Variants in MIER1 observed in about 807,000 individuals in gnomAD.
The protein encoded by MIER1 is MIER1 transcriptional regulator.
MIER1 carries 40 observed loss-of-function variants against 75.7 expected under a neutral mutation model. The observed-to-expected ratio is 0.53, with a 90% CI of 0.41 to 0.69. MIER1 has a LOEUF of 0.69. Among genes scored for constraint, MIER1 ranks in the 30% least tolerant of loss-of-function variants. The pLI, the probability that MIER1 is intolerant of heterozygous loss-of-function variation, is 0.00. For synonymous variants in MIER1, 213 were observed against 223.4 expected, an observed-to-expected ratio of 0.95 and a Z score of 0.42; for missense variants, 574 against 680.2, an observed-to-expected ratio of 0.84 and a Z score of 1.74.
chr1:66,943,892 T>A (rs1414646305), intron 3 of MIER1, among the ~76,000 whole-genome samples: 1 of 152,208 alleles, frequency 6.6e-6, no homozygotes, highest in Non-Finnish European at 1.5e-5. Context: ...AGCATAGGTG[T>A]TAGGATTAGT....
intron 4 of MIER1, among the ~76,000 whole-genome samples, chr1:66,952,431 C>T (rs1424815873): frequency 2.0e-5 from 3 of 152,060 alleles, no homozygotes; most frequent in African/African-American, 7.2e-5. Flanking sequence ...TACACGATAT[C>T]ATTACTGTTT....
At position 66,946,490 on chromosome 1, in the gene MIER1, A is replaced by G. The variant is rs1193591100; in HGVS notation, c.339+195A>G. ...AAAAACAATAACTTTATTATGTGCA[A>G]TAACAGAATTCACATAGTTACTTTG... is the stretch of plus-strand genomic sequence containing the variant. On this transcript the variant is annotated intron_variant, in intron 4 of 13. Transcript: ENST00000401041. 12 of 1,292,134 alleles carry G rather than the reference A, an allele frequency of 9.3e-6. No individual in the cohort carries two copies. The Admixed American group carries it at 1.2e-4, about 13-fold the overall frequency. The allele number at this position is 1,292,134 out of a possible 1,614,324, so 80.0% of individuals were successfully genotyped here.
At chr1:66,930,967 C>T (rs1653137658) in intron 2 of MIER1, among the ~76,000 whole-genome samples, 1 of 152,136 alleles carries the variant, frequency 6.6e-6, no homozygotes, top group South Asian at 2.1e-4. Context: ...GGAGTCTGCC[C>T]ATTTATCCAG....
chr1:66,926,357 A>C, intron 2 of MIER1, 115 bp downstream of exon 2: 1 of 698,034 alleles, frequency 1.4e-6, no homozygotes, highest in South Asian at 2.0e-5. Flanking sequence ...ATGGGCCAAA[A>C]ATTTCCAGAA....
Position 66,926,178 on chromosome 1 carries a change from A to C in MIER1, c.104A>C (p.Glu35Ala). 3.1e-6 allele frequency: 5 copies of C among 1,613,838 alleles called. No homozygotes were observed. Among genetic ancestry groups the C allele is most frequent in the Non-Finnish European group, 4.2e-6 (5 of 1,179,846 alleles). Reference protein sequence around the residue: ...VVARFSQCLAEFRTWLRTNWL... With the variant: ...VVARFSQCLAAFRTWLRTNWL... Reference sequence around the variant, plus strand: ...GCTCGATTCTCCCAGTGCCTGGCTGAGTTTCGGACGTGGTTAAGAACCAAC... The same window carrying C: ...GCTCGATTCTCCCAGTGCCTGGCTGCGTTTCGGACGTGGTTAAGAACCAAC... The change falls in exon 2 of 14, where the codon GAG becomes GCG. Residue 35 changes from glutamate to alanine, a missense_variant. Physicochemically the swap from Glu to Ala is moderately radical, Grantham distance 107. Around this residue, in one of 3 missense-constraint regions of MIER1, gnomAD observed 309 missense variants for 352.8 expected, o/e 0.88. Coordinates refer to ENST00000401041, the MANE Select transcript of MIER1 (RefSeq NM_001077700.3).
chr1:66,944,490 G>A (rs980453750), intron 3 of MIER1, among the ~76,000 whole-genome samples: 2 of 151,282 alleles, frequency 1.3e-5, no homozygotes, highest in African/African-American at 4.9e-5. Flanking sequence ...TACAGACTAT[G>A]TATGCCCAGC....
rs1200365412 is a variant in MIER1, at chr1:66,985,912, A to G, written c.*1012A>G. The G allele has an allele frequency of 1.0e-6, 1 of 975,668 alleles. No individual in the cohort carries two copies. Among genetic ancestry groups the G allele is most frequent in the African/African-American group, 1.8e-5 (1 of 55,310 alleles). The allele number at this position is 975,668 out of a possible 1,614,324, so 60.4% of individuals were successfully genotyped here. A position where few individuals can be genotyped will look rare whatever the true frequency, so the allele number is the denominator to read the frequency against. On this transcript the variant is annotated 3_prime_UTR_variant, in exon 14 of 14. Coordinates refer to ENST00000401041, the MANE Select transcript of MIER1 (RefSeq NM_001077700.3). ...ATGCTTAGATTGCAGTTTGTTTTGC[A>G]TTTGCTATAATTTTCAAAATTATTT... is the stretch of plus-strand genomic sequence containing the variant.
rs568679902 is a variant in MIER1, at chr1:66,988,083, G to A, written c.*3183G>A. The A allele has an allele frequency of 4.7e-4, 72 of 152,386 alleles. No homozygotes were observed. The highest frequency in any genetic ancestry group is 1.6e-3 in the African/African-American group (67 of 41,540). The allele number at this position is 152,386 out of a possible 1,614,324, so 9.4% of individuals were successfully genotyped here. Reference sequence around the variant, plus strand: ...GGAGTGGGCACTTGGAATAACTGAGGGCTGGTGAATATAATAGGCAATATT... The same window carrying A: ...GGAGTGGGCACTTGGAATAACTGAGAGCTGGTGAATATAATAGGCAATATT... On this transcript the variant is annotated 3_prime_UTR_variant, in exon 14 of 14. Transcript: ENST00000401041.
At chr1:66,943,777 A>G (rs192557881) in intron 3 of MIER1, among the ~76,000 whole-genome samples, 8 of 152,312 alleles carry the variant, frequency 5.3e-5, no homozygotes, top group African/African-American at 1.2e-4. Context: ...GTGCTTTGCC[A>G]TGTGACCTGG....
In MIER1 at chr1:66,946,186, C is replaced by T; in HGVS notation, c.230C>T (p.Pro77Leu). ...ACATCAGATGACCATGAATTTGATC[C>T]ATCAGCTGACATGCTGGTTCATGAT... is the stretch of plus-strand genomic sequence containing the variant. ...SATSDDHEFD[P>L]SADMLVHDFD... Residue 77 changes from proline to leucine, a missense_variant, in exon 4 of 14, where the codon CCA becomes CTA. Physicochemically the swap from Pro to Leu is moderately conservative, Grantham distance 98. Coordinates refer to ENST00000401041, the MANE Select transcript of MIER1 (RefSeq NM_001077700.3). The T allele has an allele frequency of 6.2e-7, 1 of 1,611,304 alleles. No individual in the cohort carries two copies. The highest frequency in any genetic ancestry group is 1.1e-5 in the South Asian group (1 of 90,408).
At chr1:66,971,470 G>A (rs1221566151) in intron 9 of MIER1, among the ~76,000 whole-genome samples, 185 bp from the exon 10 acceptor site, 1 of 151,996 alleles carries the variant, frequency 6.6e-6, no homozygotes, top group Non-Finnish European at 1.5e-5. Flanking sequence ...ATATTTAAAG[G>A]TAGTTGATTT....
At chr1:66,940,681 A>G (rs181885867) in intron 3 of MIER1, among the ~76,000 whole-genome samples, 3 of 152,268 alleles carry the variant, frequency 2.0e-5, no homozygotes, top group East Asian at 3.9e-4. Context: ...CTGTGCCACA[A>G]ATTTTTGTTT....
chr1:66,946,136 AT>A lies in MIER1; in HGVS notation c.194-13del, dbSNP rs1271037921. The A allele has an allele frequency of 6.3e-7, 1 of 1,587,240 alleles. No homozygotes were observed. Among genetic ancestry groups the A allele is most frequent in the Non-Finnish European group, 8.5e-7 (1 of 1,173,234 alleles). ...AATTTGGTTTACCAAACTTTTTGAA[AT>A]ATTCCTTACCAGGAGGTTCAGCAAC... On this transcript the variant is annotated splice_polypyrimidine_tract_variant and intron_variant, in intron 3 of 13. Transcript: ENST00000401041.
At position 66,925,064 on chromosome 1, in the gene MIER1, C is replaced by G. The variant is rs973431730; in HGVS notation, c.36C>G (p.Ser12Arg). 6.5e-7 allele frequency: 1 copy of G among 1,548,172 alleles called. No homozygotes were observed. The highest frequency in any genetic ancestry group is 8.7e-7 in the Non-Finnish European group (1 of 1,145,896). Residue 12 changes from serine to arginine, a missense_variant, in exon 1 of 14, where the codon AGC (serine) becomes AGG (arginine). Physicochemically the swap from Ser to Arg is moderately radical, Grantham distance 110 (BLOSUM62 -1). This residue lies in a region of MIER1 where 309 missense variants were observed against 352.8 expected (regional missense o/e 0.88). Coordinates refer to ENST00000401041, the MANE Select transcript of MIER1 (RefSeq NM_001077700.3). ...DGASSGGGGS[S>R]EGGGGSSGSG... ...CTTCTTCAGGCGGTGGCGGCAGCAG[C>G]GAAGGTGGCGGCGGCAGCAGCGGCA...
At chr1:66,983,797 G>A (rs566783542) in intron 13 of MIER1, among the ~76,000 whole-genome samples, 4 of 152,134 alleles carry the variant, frequency 2.6e-5, no homozygotes, top group South Asian at 4.1e-4. Flanking sequence ...GCACAATCTC[G>A]GCTCACTGCA....
chr1:66,985,814 ATTTTTTTT>A lies in MIER1; in HGVS notation c.*930_*937del, dbSNP rs150870135. The A allele has an allele frequency of 9.5e-5, 60 of 630,476 alleles. No individual in the cohort carries two copies. The highest frequency in any genetic ancestry group is 1.4e-4 in the Admixed American group (2 of 13,900). The allele number at this position is 630,476 out of a possible 1,614,324, so 39.1% of individuals were successfully genotyped here. A position where few individuals can be genotyped will look rare whatever the true frequency, so the allele number is the denominator to read the frequency against. ...TAAAGCATTCATAAAGGATTATAAA[ATTTTTTTT>A]TTTTTTTTTTTTTTTAAATTTCTAC... On this transcript the variant is annotated 3_prime_UTR_variant, in exon 14 of 14. Coordinates refer to ENST00000401041, the MANE Select transcript of MIER1 (RefSeq NM_001077700.3).
Position 66,926,154 on chromosome 1 carries a change from CTCGAT to C in MIER1, c.83_87del (p.Arg28LeufsTer6), listed in dbSNP as rs1651722604. 6.2e-7 allele frequency: 1 copy of C among 1,613,658 alleles called. No homozygotes were observed. The highest frequency in any genetic ancestry group is 8.5e-7 in the Non-Finnish European group (1 of 1,179,738). ...TCCTTTGATCCAGATGGTGTGGTCGCTCGATTCTCCCAGTGCCTGGCTGAGTTTCG... is the reference window on the plus strand; with the variant it reads ...TCCTTTGATCCAGATGGTGTGGTCGCTCTCCCAGTGCCTGGCTGAGTTTCG... On this transcript the variant is annotated frameshift_variant, in exon 2 of 14. Coordinates refer to ENST00000401041, the MANE Select transcript of MIER1 (RefSeq NM_001077700.3). LOFTEE classifies it high-confidence loss of function.
At position 66,925,299 on chromosome 1, in the gene MIER1, TCCTC is replaced by T. The variant is rs1416684300; in HGVS notation, c.67+209_67+212del. On this transcript the variant is annotated intron_variant, in intron 1 of 13. Transcript: ENST00000401041. The stretch of plus-strand genomic sequence containing the variant: ...GGCTGCCAAAGGCGCATGCGCAGCT[TCCTC>T]CCTCTGGCCATCGACTGCCTCCCAG... 9 of 985,028 alleles carry T rather than the reference TCCTC, an allele frequency of 9.1e-6. No individual in the cohort carries two copies. In the African/African-American group the frequency reaches 1.6e-4, roughly 17 times the overall value. The allele number at this position is 985,028 out of a possible 1,614,324, so 61.0% of individuals were successfully genotyped here. A position where few individuals can be genotyped will look rare whatever the true frequency, so the allele number is the denominator to read the frequency against.
intron 3 of MIER1, among the ~76,000 whole-genome samples, chr1:66,943,777 A>C (rs192557881): frequency 6.6e-6 from 1 of 152,194 alleles, no homozygotes; most frequent in African/African-American, 2.4e-5. Context: ...GTGCTTTGCC[A>C]TGTGACCTGG....
Sources: gnomAD v4.1 joint callset for allele counts (sites outside exome capture counted in the v4.1 genomes callset) on GRCh38, gnomAD v4.1.1 for gene constraint, gnomAD v4.1.1 regional missense constraint, MANE v1.5 for transcripts, NCBI Gene and HGNC (gene_info 2026-07-23, HGNC 2026-07-21) for gene names.